POLR1C: variants seen among roughly 807,000 people sequenced by gnomAD.
The protein encoded by POLR1C is RNA polymerase I and III subunit C, also known as DNA-directed RNA polymerases I and III subunit RPAC1.
In POLR1C, 42 loss-of-function variants were observed where a neutral mutation model predicts 38.3. The observed-to-expected ratio is 1.10, with a 90% CI of 0.86 to 1.42. The LOEUF is 1.42. Among genes scored for constraint, POLR1C ranks in the 40% most tolerant of loss-of-function variants. POLR1C has a pLI of 0.00. For missense variants in POLR1C, 507 were observed against 450.5 expected (o/e 1.13, Z -1.14); for synonymous variants, 163 against 163.9 (o/e 0.99, Z 0.04).
intron 9 of POLR1C, among the ~76,000 whole-genome samples, chr6:43,540,921 A>T (rs1174927257): frequency 8.0e-6 from 1 of 124,338 alleles, no homozygotes; most frequent in Non-Finnish European, 1.6e-5. Context: ...ATTCAGCCAT[A>T]AAAAAAAAAA....
At chr6:43,553,692 T>C (rs971300915) in intron 10 of POLR1C, 10 of 1,287,950 alleles carry the variant, frequency 7.8e-6, no homozygotes, top group Non-Finnish European at 1.0e-5. Flanking sequence ...CTGAAAGCAA[T>C]GAGGTAGGTG....
chr6:43,556,811 C>T (rs1412475350), intron 10 of POLR1C, among the ~76,000 whole-genome samples: 1 of 151,998 alleles, frequency 6.6e-6, no homozygotes, highest in Admixed American at 6.6e-5. Context: ...TGTGGTATAT[C>T]CATACAATGA....
chr6:43,558,376 A>T, intron 10 of POLR1C: 1 of 811,984 alleles, frequency 1.2e-6, no homozygotes, highest in Non-Finnish European at 1.9e-6. Flanking sequence ...CTAGGGCCTA[A>T]TAAGTAGGCT....
At chr6:43,540,627 T>C (rs985805230) in intron 9 of POLR1C, among the ~76,000 whole-genome samples, 19 of 152,150 alleles carry the variant, frequency 1.2e-4, no homozygotes, top group Admixed American at 3.9e-4. Flanking sequence ...CATGCCAGCC[T>C]GGGCAACAAG....
chr6:43,537,301 A>G (rs554132514), intron 9 of POLR1C, among the ~76,000 whole-genome samples: 4 of 152,268 alleles, frequency 2.6e-5, no homozygotes, highest in East Asian at 3.9e-4. Context: ...TACTTCTGTC[A>G]TAGATCAACC....
Position 43,520,064 on chromosome 6 carries a change from A to G in POLR1C, c.383-2A>G, listed in dbSNP as rs949775448. On this transcript the variant is annotated splice_acceptor_variant, in intron 4 of 8. Coordinates refer to ENST00000642195, the MANE Select transcript of POLR1C (RefSeq NM_203290.4). LOFTEE classifies it high-confidence loss of function. Reference sequence around the variant, plus strand: ...TCTTAGGAGCTCCCTCCATTTGTGCAGGAGATGAAGAAGGCACAGAGATAG... The same window carrying G: ...TCTTAGGAGCTCCCTCCATTTGTGCGGGAGATGAAGAAGGCACAGAGATAG... 2.5e-6 allele frequency: 4 copies of G among 1,614,026 alleles called. No individual in the cohort carries two copies. The highest frequency in any genetic ancestry group is 1.7e-5 in the Admixed American group (1 of 60,006).
chr6:43,543,673 A>T (rs985881537), intron 9 of POLR1C, among the ~76,000 whole-genome samples: 5 of 149,730 alleles, frequency 3.3e-5, no homozygotes, highest in Admixed American at 6.7e-5. Flanking sequence ...AATTTATTTA[A>T]TTTTTTTTTT....
intron 10 of POLR1C, chr6:43,551,159 G>A: frequency 4.9e-6 from 4 of 809,550 alleles, no homozygotes; most frequent in East Asian, 3.0e-5. Flanking sequence ...AGAAGGGTGA[G>A]GTGTGAGGAT....
At chr6:43,531,607 C>T (rs764553064), downstream of POLR1C, 3 of 1,577,840 alleles carry the variant, frequency 1.9e-6, no homozygotes, top group Non-Finnish European at 2.6e-6. Flanking sequence ...GAACATGATG[C>T]TCCACTGTCA....
downstream of POLR1C, chr6:43,523,995 C>T (rs1793368807): frequency 6.2e-7 from 1 of 1,612,964 alleles, no homozygotes; most frequent in African/African-American, 1.3e-5. Flanking sequence ...GAACTGCTCT[C>T]CCAAGGGTTT....
chr6:43,518,921 C>G (rs1792990879), intron 2 of POLR1C, among the ~76,000 whole-genome samples: 1 of 152,198 alleles, frequency 6.6e-6, no homozygotes. Context: ...ACCTTGTGAT[C>G]TGCCCGTCTC....
intron 9 of POLR1C, chr6:43,547,808 C>A: frequency 1.0e-6 from 1 of 971,126 alleles, no homozygotes; most frequent in Non-Finnish European, 1.6e-6. Flanking sequence ...CCCTTAAGAG[C>A]AGTTTTTATA....
intron 6 of POLR1C, 62 bp from the exon 7 acceptor site, chr6:43,520,563 G>A: frequency 1.9e-6 from 3 of 1,601,716 alleles, no homozygotes; most frequent in South Asian, 1.1e-5. Context: ...AGTAGCTTAG[G>A]AGGAGTATTC....
chr6:43,534,173 GA>G (rs1794171407), downstream of POLR1C, among the ~76,000 whole-genome samples: 1 of 152,184 alleles, frequency 6.6e-6, no homozygotes, highest in Admixed American at 6.5e-5. Flanking sequence ...CTGGAGGAGG[GA>G]ACAGACTTGT....
At chr6:43,531,430 C>A, downstream of POLR1C, 2 of 1,542,272 alleles carry the variant, frequency 1.3e-6, no homozygotes, top group Non-Finnish European at 1.8e-6. Flanking sequence ...CATTCCTATA[C>A]AATACATATC....
chr6:43,524,029 A>G, downstream of POLR1C: 1 of 1,607,318 alleles, frequency 6.2e-7, no homozygotes, highest in Non-Finnish European at 8.5e-7. Context: ...ATGAGAAAGA[A>G]TTAATGCTGG....
intron 10 of POLR1C, chr6:43,553,802 C>T (rs1007536784): frequency 2.4e-4 from 57 of 240,216 alleles, no homozygotes; most frequent in Admixed American, 9.8e-4. Context: ...AATGAGAATA[C>T]GCAGGTGAAC....
At chr6:43,553,390 G>C in intron 10 of POLR1C, 1 of 1,608,308 alleles carries the variant, frequency 6.2e-7, no homozygotes, top group Non-Finnish European at 8.5e-7. Context: ...TTTAGTGTTC[G>C]AAACATCTGG....
In POLR1C at chr6:43,520,334, G is replaced by A; in HGVS notation, c.562G>A (p.Gly188Ser). 1 of 1,613,400 alleles carries A rather than the reference G, an allele frequency of 6.2e-7. No individual in the cohort carries two copies. The highest frequency in any genetic ancestry group is 1.7e-4 in the Middle Eastern group (1 of 6,060). ...GAACCAGGCTGATCTCTTTCCAGAG[G>A]GCACTATCCGACCAGTGCATGATGA... ...LGNQADLFPEGTIRPVHDDIL... is the reference protein window; with the variant it reads ...LGNQADLFPESTIRPVHDDIL... The change falls in exon 6 of 9, where the codon GGC becomes AGC. Residue 188 changes from glycine (G) to serine (S), a missense_variant. Gly to Ser is a moderately conservative substitution (Grantham distance 56, BLOSUM62 0). Transcript: ENST00000642195.
Sources: gnomAD v4.1 joint callset for allele counts (sites outside exome capture counted in the v4.1 genomes callset) on GRCh38, gnomAD v4.1.1 for gene constraint, MANE v1.5 for transcripts, NCBI Gene and HGNC (gene_info 2026-07-23, HGNC 2026-07-21) for gene names.